The following STAG2 variants were observed in gnomAD, a reference collection of about 807,000 sequenced individuals.
STAG2 encodes the protein STAG2 cohesin complex component.
In STAG2, 14 loss-of-function variants were observed where a neutral mutation model predicts 108.1. The ratio of observed to expected loss-of-function variants is 0.13; its 90% CI spans 0.09 to 0.20. The LOEUF (loss-of-function observed/expected upper bound fraction) is 0.20, where lower values mean the gene tolerates loss of function less well. Among genes scored for constraint, STAG2 ranks in the 10% least tolerant of loss-of-function variants. STAG2 has a pLI of 1.00. For synonymous variants in STAG2, 307 were observed against 302.7 expected, an observed-to-expected ratio of 1.01 and a Z score of -0.15; for missense variants, 440 against 940.9, an observed-to-expected ratio of 0.47 and a Z score of 6.96.
chrX:124,094,630 G>T (rs968928005), intron 33 of STAG2, among the ~76,000 whole-genome samples: 2 of 111,059 alleles, frequency 1.8e-5, no homozygotes, highest in Non-Finnish European at 3.8e-5. Flanking sequence ...ATGTGGTTAG[G>T]GTTGATCATA....
At chrX:124,094,678 C>G (rs138097442) in intron 33 of STAG2, among the ~76,000 whole-genome samples, 1,501 of 111,039 alleles carry the variant, frequency 0.014, 31 homozygotes, top group African/African-American at 0.046. Context: ...TGCTACATAT[C>G]TCATTAAACT....
intron 27 of STAG2, among the ~76,000 whole-genome samples, 161 bp downstream of exon 27, chrX:124,078,219 A>C (rs1379986722): frequency 1.8e-5 from 2 of 112,289 alleles, no homozygotes; most frequent in Non-Finnish European, 3.8e-5. Flanking sequence ...TCAAACTGTC[A>C]AGATTGGCAA....
intron 27 of STAG2, among the ~76,000 whole-genome samples, chrX:124,078,545 G>A (rs1423737664): frequency 1.4e-5 from 1 of 71,895 alleles, no homozygotes; most frequent in Non-Finnish European, 2.9e-5. Context: ...AATGTATAAA[G>A]AGCTTCATAA....
chrX:123,979,791 T>G (rs1452970742), intron 1 of STAG2, among the ~76,000 whole-genome samples: 4 of 111,605 alleles, frequency 3.6e-5, no homozygotes, highest in Admixed American at 9.6e-5. Flanking sequence ...AGTGACCATT[T>G]ATAGTGTATT....
At chrX:123,973,540 CAAAA>C (rs35943528) in intron 1 of STAG2, among the ~76,000 whole-genome samples, 2 of 46,205 alleles carry the variant, frequency 4.3e-5, no homozygotes, top group Admixed American at 6.1e-4. Context: ...GACTCTGTCT[CAAAA>C]AAAAAAAAAA....
intron 1 of STAG2, among the ~76,000 whole-genome samples, chrX:123,975,043 G>A (rs1443241843): frequency 9.0e-6 from 1 of 111,468 alleles, no homozygotes; most frequent in Non-Finnish European, 1.9e-5. Context: ...AATTTTTACA[G>A]TCACCAGTGT....
At chrX:124,082,826 CT>C (rs1397393993) in intron 28 of STAG2, among the ~76,000 whole-genome samples, 1 of 111,541 alleles carries the variant, frequency 9.0e-6, no homozygotes, top group African/African-American at 3.3e-5. Flanking sequence ...GAAATAATAT[CT>C]TTTTTTCATG....
intron 9 of STAG2, among the ~76,000 whole-genome samples, chrX:124,048,157 T>C (rs767949986): frequency 9.0e-6 from 1 of 111,730 alleles, no homozygotes; most frequent in Non-Finnish European, 1.9e-5. Context: ...TCAGTAGTTA[T>C]CATGGTTATC....
chrX:124,040,820 G>A (rs1384110961), intron 6 of STAG2, among the ~76,000 whole-genome samples: 2 of 103,368 alleles, frequency 1.9e-5, no homozygotes, highest in Non-Finnish European at 3.9e-5. Context: ...CTTTCAAAAG[G>A]TTTTTGAGAG....
chrX:124,042,428 G>C (rs1025684273), intron 6 of STAG2, 141 bp from the exon 7 acceptor site: 2 of 420,590 alleles, frequency 4.8e-6, no homozygotes, highest in Admixed American at 4.3e-5. Flanking sequence ...GAGTATCATG[G>C]TAAAGATTAT....
chrX:123,986,054 CATATATATGTGTCATATATCATATATA>C (rs1214924881), intron 1 of STAG2, among the ~76,000 whole-genome samples: 1 of 104,784 alleles, frequency 9.5e-6, no homozygotes, highest in African/African-American at 3.5e-5. Flanking sequence ...ATATATATAT[CATATATATGTGTCATATATCATATATA>C]CATATATGAT....
At chrX:123,984,035 A>G (rs1383630099) in intron 1 of STAG2, among the ~76,000 whole-genome samples, 1 of 93,821 alleles carries the variant, frequency 1.1e-5, no homozygotes, top group Non-Finnish European at 2.0e-5. Flanking sequence ...CTGGAGTACA[A>G]TGGCGCGATC....
chrX:124,100,559 T>C lies in STAG2; in HGVS notation c.3784-15T>C, dbSNP rs2059489528. The stretch of plus-strand genomic sequence containing the variant: ...ACTTTTAACGAGATTTTCTCCCCTC[T>C]CTCTCTCTCATTAGGTTCTTGGAGT... On this transcript the variant is annotated splice_polypyrimidine_tract_variant and intron_variant, in intron 34 of 34. Transcript: ENST00000371145. The C allele has an allele frequency of 8.4e-7, 1 of 1,188,152 alleles. No individual in the cohort carries two copies. The highest frequency in any genetic ancestry group is 3.0e-5 in the East Asian group (1 of 33,568).
At chrX:124,034,387 T>G (rs1219073455) in intron 5 of STAG2, among the ~76,000 whole-genome samples, 1 of 111,752 alleles carries the variant, frequency 8.9e-6, no homozygotes, top group African/African-American at 3.3e-5. Flanking sequence ...TGCACTGTCT[T>G]TCCATTGATT....
At chrX:123,993,245 C>T (rs377280001) in intron 1 of STAG2, among the ~76,000 whole-genome samples, 4 of 109,318 alleles carry the variant, frequency 3.7e-5, no homozygotes, top group African/African-American at 1.4e-4. Context: ...TCCAGGAGTT[C>T]AAGACCAGCC....
At chrX:123,978,731 C>T (rs536396331) in intron 1 of STAG2, among the ~76,000 whole-genome samples, 23 of 111,868 alleles carry the variant, frequency 2.1e-4, no homozygotes, top group African/African-American at 6.8e-4. Context: ...ACGTGATGCT[C>T]CAAAGAAATG....
intron 1 of STAG2, among the ~76,000 whole-genome samples, chrX:123,967,828 C>A (rs1204771710): frequency 1.8e-5 from 2 of 110,080 alleles, no homozygotes; most frequent in African/African-American, 6.6e-5. Flanking sequence ...AAAAAAGATA[C>A]AATAAAAATA....
At chrX:124,049,184 A>G (rs1238340482) in intron 10 of STAG2, 106 bp downstream of exon 10, 1 of 618,949 alleles carries the variant, frequency 1.6e-6, no homozygotes, top group East Asian at 3.6e-5. Flanking sequence ...AGAATGTTAT[A>G]GTAAAATCAA....
chrX:124,097,574 C>T lies in STAG2; in HGVS notation c.3783+2125C>T, dbSNP rs968187001. ...TCCTTAAGGAATTCATATTCTAGTGCACCTTGACTATCACTTTGAAATGAA... is the reference window on the plus strand; with the variant it reads ...TCCTTAAGGAATTCATATTCTAGTGTACCTTGACTATCACTTTGAAATGAA... On this transcript the variant is annotated intron_variant, in intron 34 of 34. Transcript: ENST00000371145. 1.1e-4 allele frequency: 23 copies of T among 212,282 alleles called. No individual in the cohort carries two copies. The East Asian group carries it at 1.9e-3, about 18-fold the overall frequency. 17.5% of individuals were successfully genotyped at this position (212,282 alleles called of 1,213,427 possible). A position where few individuals can be genotyped will look rare whatever the true frequency, so the allele number is the denominator to read the frequency against.
Sources: allele counts gnomAD v4.1 joint callset (sites outside exome capture counted in the v4.1 genomes callset), GRCh38; gene constraint gnomAD v4.1.1; transcripts MANE v1.5; gene names NCBI Gene and HGNC (gene_info 2026-07-23, HGNC 2026-07-21).